GLIS3: variants seen among roughly 807,000 people sequenced by gnomAD.
GLIS3 encodes the protein zinc finger protein GLIS3.
A neutral mutation model predicts 78.6 loss-of-function variants in GLIS3; 53 were observed. The observed-to-expected ratio is 0.67, with a 90% CI of 0.54 to 0.85. The LOEUF (loss-of-function observed/expected upper bound fraction) is 0.85, where lower values mean the gene tolerates loss of function less well. Among genes scored for constraint, GLIS3 ranks in the 40% least tolerant of loss-of-function variants. The pLI is 0.00. For missense variants in GLIS3, 1,703 were observed against 1,231.1 expected, an observed-to-expected ratio of 1.38 and a Z score of -5.74; for synonymous variants, 684 against 509.9, an observed-to-expected ratio of 1.34 and a Z score of -4.60.
At chr9:4,485,969 C>A in the GLIS3 span, among the ~76,000 whole-genome samples, 3 of 152,230 alleles carry the variant, frequency 2.0e-5, no homozygotes, top group African/African-American at 4.8e-5. Flanking sequence ...GAATCCACCC[C>A]CCTTGGCCTC....
At chr9:4,341,802 C>T (rs959638885) in intron 2 of GLIS3, among the ~76,000 whole-genome samples, 5 of 152,180 alleles carry the variant, frequency 3.3e-5, no homozygotes, top group African/African-American at 9.7e-5. Context: ...ATGGGATCTC[C>T]GCTTTTTTTT....
At chr9:4,030,227 T>G (rs560140128) in intron 4 of GLIS3, among the ~76,000 whole-genome samples, 1 of 152,238 alleles carries the variant, frequency 6.6e-6, no homozygotes, top group African/African-American at 2.4e-5. Context: ...ATATGCCTGT[T>G]TGCCATTTGT....
chr9:3,943,520 G>A (rs549622812), intron 4 of GLIS3, among the ~76,000 whole-genome samples: 1 of 152,166 alleles, frequency 6.6e-6, no homozygotes, highest in Non-Finnish European at 1.5e-5. Context: ...ACATTTCAAA[G>A]GTTCTACCCA....
intron 2 of GLIS3, among the ~76,000 whole-genome samples, chr9:4,338,137 T>C (rs1053468992): frequency 2.0e-5 from 3 of 152,066 alleles, no homozygotes; most frequent in African/African-American, 7.2e-5. Flanking sequence ...CACCTGATTC[T>C]AATCCTATCG....
At chr9:4,070,455 G>C (rs1039528213) in intron 4 of GLIS3, among the ~76,000 whole-genome samples, 1 of 152,084 alleles carries the variant, frequency 6.6e-6, no homozygotes, top group Non-Finnish European at 1.5e-5. Context: ...TGACCAAAAA[G>C]TCTCCACAGG....
Position 4,125,854 on chromosome 9 carries a change from T to C in GLIS3, c.476A>G (p.Gln159Arg). ...LVVTSSPMMV[Q>R]RLGLISPPAS... ...TGGAGGTGAAATGAGTCCCAGTCGCTGAACCATCATGGGACTGCTGGTGAC... is the reference window on the plus strand; with the variant it reads ...TGGAGGTGAAATGAGTCCCAGTCGCCGAACCATCATGGGACTGCTGGTGAC... Residue 159 changes from glutamine to arginine, a missense_variant, in exon 3 of 11, where the codon CAG becomes CGG. Coordinates refer to ENST00000381971, the MANE Select transcript of GLIS3 (RefSeq NM_001042413.2). 1.2e-6 allele frequency: 2 copies of C among 1,613,928 alleles called. No homozygotes were observed. Among genetic ancestry groups the C allele is most frequent in the South Asian group, 1.1e-5 (1 of 91,070 alleles).
intron 2 of GLIS3, among the ~76,000 whole-genome samples, chr9:4,312,255 G>T (rs1817374532): frequency 6.6e-6 from 1 of 152,162 alleles, no homozygotes; most frequent in African/African-American, 2.4e-5. Context: ...ATCACTTGAG[G>T]TCAGGAGTTC....
chr9:3,993,637 C>G (rs923228910), intron 4 of GLIS3, among the ~76,000 whole-genome samples: 3 of 152,132 alleles, frequency 2.0e-5, no homozygotes, highest in Admixed American at 6.6e-5. Flanking sequence ...CATATGCCAT[C>G]ATAAGCATAT....
intron 9 of GLIS3, among the ~76,000 whole-genome samples, chr9:3,836,896 T>C (rs1449779577): frequency 6.6e-6 from 1 of 152,150 alleles, no homozygotes; most frequent in Admixed American, 6.5e-5. Context: ...TAAAGGACAA[T>C]CTCAGCATTC....
chr9:3,904,011 G>C (rs914208270), intron 6 of GLIS3, among the ~76,000 whole-genome samples: 5 of 152,108 alleles, frequency 3.3e-5, no homozygotes, highest in Non-Finnish European at 5.9e-5. Context: ...CTTAGTCTTG[G>C]TACAATAGGA....
intron 2 of GLIS3, among the ~76,000 whole-genome samples, chr9:4,137,774 A>C (rs1833506379): frequency 6.6e-6 from 1 of 152,204 alleles, no homozygotes; most frequent in Admixed American, 6.5e-5. Context: ...TGCCAAGTTA[A>C]CTGAAAGCTG....
intron 2 of GLIS3, among the ~76,000 whole-genome samples, chr9:4,167,315 T>C (rs915977709): frequency 7.2e-5 from 11 of 152,190 alleles, no homozygotes; most frequent in South Asian, 2.1e-4. Context: ...CTGAGTGAAA[T>C]TGCTAAATTC....
In GLIS3 at chr9:4,021,175, A is replaced by G. The variant is rs1322379536; in HGVS notation, c.1711-83986T>C. 9.2e-5 allele frequency among the ~76,000 whole-genome samples: 14 copies of G among 152,036 alleles called. 1 individual carries two copies. Among genetic ancestry groups the G allele is most frequent in the Admixed American group, 9.2e-4 (14 of 15,268 alleles). On this transcript the variant is annotated intron_variant, in intron 4 of 10. Coordinates refer to ENST00000381971, the MANE Select transcript of GLIS3 (RefSeq NM_001042413.2). ...TATCTGTACATGTATATGTATATGT[A>G]TATGTATATGTGTATACACACTATA...
At chr9:4,124,393 C>T (rs933060829) in intron 3 of GLIS3, among the ~76,000 whole-genome samples, 2 of 152,156 alleles carry the variant, frequency 1.3e-5, no homozygotes, top group African/African-American at 4.8e-5. Flanking sequence ...CAGTCTGTGC[C>T]CTGACTACTG....
At chr9:4,146,872 G>A (rs968792026) in intron 2 of GLIS3, among the ~76,000 whole-genome samples, 1 of 152,204 alleles carries the variant, frequency 6.6e-6, no homozygotes, top group Non-Finnish European at 1.5e-5. Flanking sequence ...CCAATGTACT[G>A]GATTTTATTT....
intron 2 of GLIS3, among the ~76,000 whole-genome samples, chr9:4,141,357 G>A (rs1833801275): frequency 1.3e-5 from 2 of 152,134 alleles, no homozygotes; most frequent in Non-Finnish European, 2.9e-5. Context: ...CAGACCTTCG[G>A]GCCTGGGCTC....
chr9:4,205,900 G>A (rs1475601304), intron 2 of GLIS3, among the ~76,000 whole-genome samples: 1 of 152,124 alleles, frequency 6.6e-6, no homozygotes, highest in Non-Finnish European at 1.5e-5. Context: ...AAAGAAAACT[G>A]TTTAGGCTGC....
chr9:4,372,214 G>A, the GLIS3 span, among the ~76,000 whole-genome samples: 3 of 152,286 alleles, frequency 2.0e-5, no homozygotes, highest in South Asian at 4.1e-4. Flanking sequence ...TGTACCACCC[G>A]TGCAGTTGCC....
intron 9 of GLIS3, among the ~76,000 whole-genome samples, chr9:3,851,405 C>T (rs191367757): frequency 5.3e-4 from 80 of 152,210 alleles, no homozygotes; most frequent in African/African-American, 1.8e-3. Flanking sequence ...AATGGAGACC[C>T]GTAAATACTA....
Sources: allele counts gnomAD v4.1 joint callset (sites outside exome capture counted in the v4.1 genomes callset), GRCh38; gene constraint gnomAD v4.1.1; transcripts MANE v1.5; gene names NCBI Gene and HGNC (gene_info 2026-07-23, HGNC 2026-07-21).